Variants in HIVEP1 observed in about 807,000 individuals in gnomAD.
HIVEP1 encodes the protein HIVEP zinc finger 1.
In HIVEP1, 36 loss-of-function variants were observed where a neutral mutation model predicts 180.0. That is an observed-to-expected ratio of 0.20 (90% confidence interval 0.15 to 0.26). HIVEP1 has a LOEUF of 0.26. Among genes scored for constraint, HIVEP1 ranks in the 10% least tolerant of loss-of-function variants. The probability of loss-of-function intolerance (pLI) is 1.00; values close to 1 mark genes in which losing one functional copy is unlikely to be tolerated. For missense variants in HIVEP1, 3,143 were observed against 3,268.7 expected (o/e 0.96, Z 0.94); for synonymous variants, 1,239 against 1,239.0 (o/e 1.00, Z 0.00).
At chr6:12,172,404 A>C in the HIVEP1 span, among the ~76,000 whole-genome samples, 1 of 152,130 alleles carries the variant, frequency 6.6e-6, no homozygotes, top group Non-Finnish European at 1.5e-5. Flanking sequence ...AATAAGTTTT[A>C]AGTTTTATTT....
At chr6:12,211,427 A>AG in the HIVEP1 span, among the ~76,000 whole-genome samples, 1 of 147,836 alleles carries the variant, frequency 6.8e-6, no homozygotes. Context: ...AAAAGAAAAA[A>AG]GAGTACTTTG....
intron 2 of HIVEP1, among the ~76,000 whole-genome samples, chr6:12,025,784 A>G (rs938567664): frequency 2.6e-5 from 4 of 152,234 alleles, no homozygotes; most frequent in African/African-American, 9.6e-5. Flanking sequence ...TCACGCCTGT[A>G]ATCCCAGCAC....
downstream of HIVEP1, among the ~76,000 whole-genome samples, chr6:12,167,680 G>GTTATATATACATATATACATATA (rs1760756562): frequency 5.3e-5 from 1 of 18,756 alleles, no homozygotes; most frequent in Non-Finnish European, 9.8e-5. Context: ...ATACATATAT[G>GTTATATATACATATATACATATA]TGTATAATAT....
the HIVEP1 span, among the ~76,000 whole-genome samples, chr6:12,181,522 C>T: frequency 6.6e-6 from 1 of 151,936 alleles, no homozygotes; most frequent in Non-Finnish European, 1.5e-5. Flanking sequence ...GCAATCCTCC[C>T]ACCTAAGCCT....
At chr6:12,151,777 A>G (rs941731338) in intron 7 of HIVEP1, among the ~76,000 whole-genome samples, 23 of 152,244 alleles carry the variant, frequency 1.5e-4, no homozygotes, top group Admixed American at 1.3e-3. Flanking sequence ...AGCCACAGAC[A>G]GTATATAAAG....
intron 2 of HIVEP1, 88 bp from the exon 3 acceptor site, chr6:12,089,096 A>C (rs747423574): frequency 1.5e-6 from 1 of 673,898 alleles, no homozygotes; most frequent in South Asian, 1.9e-5. Flanking sequence ...TAGGTATCTG[A>C]CACTGTTTAA....
chr6:12,114,575 C>A (rs1361420030), intron 3 of HIVEP1, among the ~76,000 whole-genome samples: 1 of 152,102 alleles, frequency 6.6e-6, no homozygotes. Context: ...CGCATATTCC[C>A]AGATCTGTGC....
intron 2 of HIVEP1, among the ~76,000 whole-genome samples, chr6:12,052,965 G>A (rs1452480490): frequency 1.3e-5 from 2 of 152,134 alleles, no homozygotes; most frequent in Admixed American, 6.6e-5. Context: ...TTGGGGTTGG[G>A]CGGGGATTCT....
In HIVEP1 at chr6:12,125,017, C is replaced by T; in HGVS notation, c.5222C>T (p.Ser1741Leu). The change falls in exon 4 of 9, where the codon TCA becomes TTA. Residue 1741 changes from serine (S) to leucine (L), a missense_variant. Ser to Leu is a moderately radical substitution (Grantham distance 145, BLOSUM62 -2). This residue lies in a region of HIVEP1 where 1,357 missense variants were observed against 1,260.5 expected (regional missense o/e 1.08). Transcript: ENST00000379388. ...VGRLSPQQESSASSKRMLSPA... is the reference protein window; with the variant it reads ...VGRLSPQQESLASSKRMLSPA... ...CGACTTTCCCCTCAACAAGAATCTT[C>T]AGCTTCGAGTAAAAGGATGCTTTCC... 1.2e-6 allele frequency: 2 copies of T among 1,614,194 alleles called. No individual in the cohort carries two copies. Among genetic ancestry groups the T allele is most frequent in the Non-Finnish European group, 1.7e-6 (2 of 1,180,022 alleles).
At chr6:12,041,115 T>C (rs1769660812) in intron 2 of HIVEP1, among the ~76,000 whole-genome samples, 1 of 152,188 alleles carries the variant, frequency 6.6e-6, no homozygotes, top group Non-Finnish European at 1.5e-5. Flanking sequence ...CCTGCATCTT[T>C]CTGTTTTTAG....
chr6:12,069,919 AATT>A (rs1771856468), intron 2 of HIVEP1, among the ~76,000 whole-genome samples: 1 of 151,890 alleles, frequency 6.6e-6, no homozygotes, highest in Admixed American at 6.6e-5. Context: ...CTATTTTTAG[AATT>A]ATTATTTTTT....
the HIVEP1 span, among the ~76,000 whole-genome samples, chr6:12,205,014 G>A: frequency 1.1e-3 from 167 of 152,244 alleles, no homozygotes; most frequent in Non-Finnish European, 1.9e-3. Context: ...GGCAGAGAGC[G>A]CCTGTGTGTT....
In HIVEP1 at chr6:12,114,983, T is replaced by G. The variant is rs557415574; in HGVS notation, c.95-4907T>G. On this transcript the variant is annotated intron_variant, in intron 3 of 8. Coordinates refer to ENST00000379388, the MANE Select transcript of HIVEP1 (RefSeq NM_002114.4). ...AGGCCCAAAAGAGATCTGAAGTTTT[T>G]CAGCTGACATGTCTCTGAGTAAATC... 9.2e-5 allele frequency among the ~76,000 whole-genome samples: 14 copies of G among 152,354 alleles called. 2 individuals carry two copies. Among genetic ancestry groups the G allele is most frequent in the African/African-American group, 3.4e-4 (14 of 41,584 alleles).
Position 12,164,598 on chromosome 6 carries a change from A to G in HIVEP1, c.*137A>G. 1 of 730,400 alleles carries G rather than the reference A, an allele frequency of 1.4e-6. No homozygotes were observed. The highest frequency in any genetic ancestry group is 2.0e-5 in the South Asian group (1 of 49,078). The allele number at this position is 730,400 out of a possible 1,614,324, so 45.2% of individuals were successfully genotyped here. A position where few individuals can be genotyped will look rare whatever the true frequency, so the allele number is the denominator to read the frequency against. On this transcript the variant is annotated 3_prime_UTR_variant, in exon 9 of 9. Coordinates refer to ENST00000379388, the MANE Select transcript of HIVEP1 (RefSeq NM_002114.4). ...TGCAATCATGAACTTTTGACCAATA[A>G]TTGTTGTTTTGTGTCAGCTCCAGCC...
intron 6 of HIVEP1, among the ~76,000 whole-genome samples, chr6:12,134,548 A>T (rs571198336): frequency 1.8e-4 from 27 of 152,226 alleles, no homozygotes; most frequent in Non-Finnish European, 3.7e-4. Flanking sequence ...TGGACCAATG[A>T]TTCAGACATT....
chr6:12,163,571 C>T lies in HIVEP1; in HGVS notation c.7267C>T (p.Pro2423Ser). Residue 2423 changes from proline (P) to serine (S), a missense_variant, in exon 9 of 9, where the codon CCA (proline) becomes TCA (serine). By Grantham distance (74) the Pro-to-Ser change is moderately conservative. This residue lies in a region of HIVEP1 where 595 missense variants were observed against 602.2 expected (regional missense o/e 0.99). Coordinates refer to ENST00000379388, the MANE Select transcript of HIVEP1 (RefSeq NM_002114.4). ...YSTFVPLQAG[P>S]VQLTIPAVSV... ...CACGTTTGTGCCCCTTCAGGCTGGA[C>T]CAGTGCAGCTCACGATCCCTGCTGT... 6.2e-7 allele frequency: 1 copy of T among 1,614,200 alleles called. No individual in the cohort carries two copies. The highest frequency in any genetic ancestry group is 8.5e-7 in the Non-Finnish European group (1 of 1,180,034).
intron 2 of HIVEP1, among the ~76,000 whole-genome samples, chr6:12,078,885 A>G (rs771705426): frequency 3.9e-5 from 6 of 151,918 alleles, no homozygotes; most frequent in Non-Finnish European, 7.4e-5. Context: ...CCATCCGTAA[A>G]TCTGCATCCT....
In HIVEP1 at chr6:12,122,647, C is replaced by A. The variant is rs766568856; in HGVS notation, c.2852C>A (p.Ser951Tyr). Residue 951 changes from serine (S) to tyrosine (Y), a missense_variant, in exon 4 of 9, where the codon TCT becomes TAT. Ser to Tyr is a moderately radical substitution (Grantham distance 144, BLOSUM62 -2). Around this residue, in one of 12 missense-constraint regions of HIVEP1, gnomAD observed 204 missense variants for 243.7 expected, o/e 0.84. Coordinates refer to ENST00000379388, the MANE Select transcript of HIVEP1 (RefSeq NM_002114.4). ...AQGPHIEKKK[S>Y]HQGRGTMFEC... ...GGCCCACATATAGAAAAAAAGAAGT[C>A]TCATCAAGGGCGAGGGACAATGTTT... The A allele has an allele frequency of 1.2e-6, 2 of 1,613,968 alleles. No individual in the cohort carries two copies. The highest frequency in any genetic ancestry group is 8.5e-7 in the Non-Finnish European group (1 of 1,180,006).
chr6:12,068,781 A>G (rs182193953), intron 2 of HIVEP1, among the ~76,000 whole-genome samples: 1 of 152,314 alleles, frequency 6.6e-6, no homozygotes, highest in East Asian at 1.9e-4. Flanking sequence ...ATGTTCATAT[A>G]TATTATACAT....
Sources: allele counts gnomAD v4.1 joint callset (sites outside exome capture counted in the v4.1 genomes callset), GRCh38; gene constraint gnomAD v4.1.1; regional missense constraint gnomAD v4.1.1; transcripts MANE v1.5; gene names NCBI Gene and HGNC (gene_info 2026-07-23, HGNC 2026-07-21).